PCDHA4: variants seen among roughly 807,000 people sequenced by gnomAD.
PCDHA4 encodes the protein protocadherin alpha-4.
Under a neutral mutation model 61.4 loss-of-function variants are expected in PCDHA4, and 49 were observed. The observed-to-expected ratio is 0.80, with a 90% CI of 0.63 to 1.01. PCDHA4 has a LOEUF of 1.01. Ranked by LOEUF, PCDHA4 falls within the 50% of genes least tolerant of loss-of-function variation. The probability of loss-of-function intolerance (pLI) is 0.00; values close to 1 mark genes in which losing one functional copy is unlikely to be tolerated. For missense variants in PCDHA4, 1,254 were observed against 1,235.8 expected (o/e 1.01, Z -0.22); for synonymous variants, 590 against 550.3 (o/e 1.07, Z -1.01).
intron 1 of PCDHA4, among the ~76,000 whole-genome samples, chr5:140,894,631 A>G (rs1413513485): frequency 6.6e-6 from 1 of 151,582 alleles, no homozygotes; most frequent in Non-Finnish European, 1.5e-5. Flanking sequence ...TTCTCCAATC[A>G]TATCATTACT....
chr5:140,899,607 TC>T (rs1301087468), intron 1 of PCDHA4, among the ~76,000 whole-genome samples: 11 of 152,322 alleles, frequency 7.2e-5, no homozygotes, highest in African/African-American at 2.6e-4. Flanking sequence ...GACTTTTGCA[TC>T]AATGTTCATC....
In PCDHA4 at chr5:140,844,977, T is replaced by C. The variant is rs1326529919; in HGVS notation, c.2385+35405T>C. On this transcript the variant is annotated intron_variant, in intron 1 of 3. Transcript: ENST00000530339. ...TTCTTACAGTTTGTTATTAGTATTGTTTTAAATCTTTTAATCACTTATGAA... is the reference window on the plus strand; with the variant it reads ...TTCTTACAGTTTGTTATTAGTATTGCTTTAAATCTTTTAATCACTTATGAA... 1.3e-5 allele frequency among the ~76,000 whole-genome samples: 2 copies of C among 149,260 alleles called. 1 individual carries two copies. Among genetic ancestry groups the C allele is most frequent in the Non-Finnish European group, 3.0e-5 (2 of 66,708 alleles).
intron 1 of PCDHA4, among the ~76,000 whole-genome samples, chr5:140,949,636 T>C (rs1047386786): frequency 1.3e-5 from 2 of 151,898 alleles, no homozygotes; most frequent in Non-Finnish European, 3.0e-5. Context: ...GGCATATTGC[T>C]TTTTGTTCAT....
chr5:140,993,001 TC>T (rs1554253322), intron 3 of PCDHA4, among the ~76,000 whole-genome samples: 4 of 152,124 alleles, frequency 2.6e-5, no homozygotes, highest in Admixed American at 2.6e-4. Context: ...TGAAAGAGCC[TC>T]CCCAGAGTCC....
At chr5:140,876,334 A>G (rs782377581) in intron 1 of PCDHA4, 3 of 1,613,912 alleles carry the variant, frequency 1.9e-6, no homozygotes, top group African/African-American at 1.3e-5. Flanking sequence ...TTTGCCAGTG[A>G]GTGAGAAATG....
intron 1 of PCDHA4, chr5:140,967,680 G>C (rs1554229771): frequency 6.2e-7 from 1 of 1,614,228 alleles, no homozygotes; most frequent in South Asian, 1.1e-5. Context: ...GACCGGGAGA[G>C]GCAGCTCTTC....
At chr5:140,922,866 GA>G (rs557650266) in intron 1 of PCDHA4, among the ~76,000 whole-genome samples, 2 of 152,096 alleles carry the variant, frequency 1.3e-5, no homozygotes, top group Non-Finnish European at 2.9e-5. Flanking sequence ...TAGACAAGGG[GA>G]AAAAATCCAA....
At chr5:140,877,925 T>C in intron 1 of PCDHA4, 1 of 1,421,700 alleles carries the variant, frequency 7.0e-7, no homozygotes, top group Non-Finnish European at 9.2e-7. Flanking sequence ...TTTTTCTTTA[T>C]GATTCTATCC....
At chr5:140,911,952 G>A (rs2075698662) in intron 1 of PCDHA4, among the ~76,000 whole-genome samples, 1 of 152,170 alleles carries the variant, frequency 6.6e-6, no homozygotes, top group South Asian at 2.1e-4. Context: ...ATAAAGGGGA[G>A]GTTACTAAGG....
At chr5:140,889,101 T>TCC in intron 1 of PCDHA4, among the ~76,000 whole-genome samples, 1 of 152,074 alleles carries the variant, frequency 6.6e-6, no homozygotes, top group East Asian at 1.9e-4. Context: ...AATTTTTTCA[T>TCC]CTTTATTCCA....
At chr5:140,831,524 T>A (rs1771606843) in intron 1 of PCDHA4, among the ~76,000 whole-genome samples, 4 of 26,740 alleles carry the variant, frequency 1.5e-4, no homozygotes, top group Admixed American at 1.4e-3. Context: ...CCCCACCTTT[T>A]TTTTTTTTTT....
In PCDHA4 at chr5:140,808,817, C is replaced by G; in HGVS notation, c.1630C>G (p.Pro544Ala). The G allele has an allele frequency of 6.2e-7, 1 of 1,612,850 alleles. No homozygotes were observed. Among genetic ancestry groups the G allele is most frequent in the Non-Finnish European group, 8.5e-7 (1 of 1,179,812 alleles). ...GACCGCTCGCGATGCCGGCGTGCCA[C>G]CTCTGGGCAGCAACGTGACGCTGCA... ...QVTARDAGVP[P>A]LGSNVTLQVF... The change falls in exon 1 of 4, where the codon CCT becomes GCT. Residue 544 changes from proline to alanine, a missense_variant. Coordinates refer to ENST00000530339, the MANE Select transcript of PCDHA4 (RefSeq NM_018907.4).
chr5:140,882,149 G>A (rs2058970957), intron 1 of PCDHA4: 2 of 1,501,900 alleles, frequency 1.3e-6, no homozygotes, highest in Middle Eastern at 4.3e-4. Flanking sequence ...ATAGCAGAAA[G>A]CGGAATACCT....
Position 140,986,130 on chromosome 5 carries a change from G to T in PCDHA4, c.2533+3567G>T, listed in dbSNP as rs150350316. ...AGATAAAGATGCCACACTCTGAAAGGATCAACAAGGGCATCACCAAGTAAT... is the reference window on the plus strand; with the variant it reads ...AGATAAAGATGCCACACTCTGAAAGTATCAACAAGGGCATCACCAAGTAAT... On this transcript the variant is annotated intron_variant, in intron 3 of 3. Coordinates refer to ENST00000530339, the MANE Select transcript of PCDHA4 (RefSeq NM_018907.4). 8.5e-5 allele frequency among the ~76,000 whole-genome samples: 13 copies of T among 152,216 alleles called. 1 individual carries two copies. The East Asian group carries it at 2.5e-3, about 29-fold the overall frequency.
intron 1 of PCDHA4, chr5:140,850,726 C>T (rs781908002): frequency 6.3e-7 from 1 of 1,597,804 alleles, no homozygotes; most frequent in Non-Finnish European, 8.6e-7. Flanking sequence ...TGTTCTAGCG[C>T]GGTGGGGAGT....
chr5:140,860,143 G>A (rs1226085674), intron 1 of PCDHA4: 2 of 148,758 alleles, frequency 1.3e-5, no homozygotes, highest in Non-Finnish European at 3.0e-5. Context: ...GTATATATAT[G>A]TATATATGTG....
chr5:140,835,527 A>T, intron 1 of PCDHA4: 1 of 1,613,968 alleles, frequency 6.2e-7, no homozygotes, highest in Non-Finnish European at 8.5e-7. Context: ...TTTTGGAGTC[A>T]ACGGACAGGT....
chr5:140,870,579 G>T (rs1388213173), intron 1 of PCDHA4: 4 of 1,613,744 alleles, frequency 2.5e-6, no homozygotes, highest in Admixed American at 1.7e-5. Context: ...TGTCCTACTC[G>T]CTGGTGGAGC....
intron 1 of PCDHA4, chr5:140,969,549 C>A: frequency 1.6e-6 from 2 of 1,238,176 alleles, no homozygotes; most frequent in South Asian, 3.3e-5. Context: ...AGGCATGAAG[C>A]CTTGTCCATA....
Sources: allele counts gnomAD v4.1 joint callset (sites outside exome capture counted in the v4.1 genomes callset), GRCh38; gene constraint gnomAD v4.1.1; transcripts MANE v1.5; gene names NCBI Gene and HGNC (gene_info 2026-07-23, HGNC 2026-07-21).